Variants in ATAD2B observed in about 807,000 individuals in gnomAD.
The protein encoded by ATAD2B is ATPase family AAA domain containing 2B, also known as ATPase family AAA domain-containing protein 2B.
A neutral mutation model predicts 167.6 loss-of-function variants in ATAD2B; 40 were observed. That is an observed-to-expected ratio of 0.24 (90% CI 0.19 to 0.31). The LOEUF (loss-of-function observed/expected upper bound fraction) is 0.31, where lower values mean the gene tolerates loss of function less well. ATAD2B is among the 10% of genes least tolerant of loss of function. ATAD2B has a pLI of 1.00. For missense variants in ATAD2B, 1,242 were observed against 1,757.2 expected, an observed-to-expected ratio of 0.71 and a Z score of 5.24; for synonymous variants, 579 against 596.5, an observed-to-expected ratio of 0.97 and a Z score of 0.43.
chr2:23,907,455 A>G (rs1701662859), intron 1 of ATAD2B, among the ~76,000 whole-genome samples: 1 of 152,086 alleles, frequency 6.6e-6, no homozygotes, highest in African/African-American at 2.4e-5. Context: ...ACCACTGCTC[A>G]AGGAAATAAA....
At chr2:23,688,432 C>T in the ATAD2B span, among the ~76,000 whole-genome samples, 2 of 152,170 alleles carry the variant, frequency 1.3e-5, no homozygotes, top group African/African-American at 2.4e-5. Context: ...CTCTGAGGTG[C>T]ATGAGGGTGG....
At chr2:23,858,207 G>A (rs1558670041) in intron 12 of ATAD2B, among the ~76,000 whole-genome samples, 1 of 151,640 alleles carries the variant, frequency 6.6e-6, no homozygotes, top group African/African-American at 2.4e-5. Context: ...TGCAACCTCC[G>A]CCTCCCGGGT....
At chr2:23,723,580 G>A in the ATAD2B span, among the ~76,000 whole-genome samples, 201 of 152,166 alleles carry the variant, frequency 1.3e-3, 1 homozygote, top group African/African-American at 4.7e-3. Flanking sequence ...ATGAAAAAAT[G>A]CTCAACATCC....
chr2:23,812,733 C>A (rs184649725), intron 17 of ATAD2B, among the ~76,000 whole-genome samples: 1 of 151,340 alleles, frequency 6.6e-6, no homozygotes, highest in Non-Finnish European at 1.5e-5. Context: ...CGTGGTGGCA[C>A]GTGCCTGTAG....
chr2:23,893,813 G>A (rs920339897), intron 2 of ATAD2B, among the ~76,000 whole-genome samples: 6 of 151,794 alleles, frequency 4.0e-5, no homozygotes, highest in African/African-American at 1.5e-4. Context: ...CGGACTACAA[G>A]CATGTGCCTG....
At position 23,883,592 on chromosome 2, in the gene ATAD2B, A is replaced by C. The variant is rs1698274194; in HGVS notation, c.784+1173T>G. On this transcript the variant is annotated intron_variant, in intron 6 of 27. Coordinates refer to ENST00000238789, the MANE Select transcript of ATAD2B (RefSeq NM_017552.4). ...AAGAATCGCATTATAAATCTGTCTC[A>C]CCTATACTGATTTTCTCCAAAGGAA... The C allele has an allele frequency of 3.9e-6, 5 of 1,292,726 alleles. No individual in the cohort carries two copies. The South Asian group carries it at 6.3e-5, about 16-fold the overall frequency. The allele number at this position is 1,292,726 out of a possible 1,614,324, so 80.1% of individuals were successfully genotyped here.
chr2:23,817,127 T>C (rs1452942500), intron 17 of ATAD2B, among the ~76,000 whole-genome samples: 1 of 152,202 alleles, frequency 6.6e-6, no homozygotes, highest in African/African-American at 2.4e-5. Context: ...AAGTGTATGC[T>C]TCTTGGAGAG....
At chr2:23,810,229 T>G in intron 18 of ATAD2B, 87 bp downstream of exon 18, 2 of 1,180,430 alleles carry the variant, frequency 1.7e-6, no homozygotes, top group South Asian at 3.7e-5. Flanking sequence ...TCTGAAAAAA[T>G]CTTATCTTTA....
chr2:23,754,518 T>C, intron 26 of ATAD2B, 129 bp downstream of exon 26: 1 of 1,252,686 alleles, frequency 8.0e-7, no homozygotes, highest in South Asian at 1.5e-5. Context: ...TAACTCTTTT[T>C]TACTAGGAGC....
the ATAD2B span, chr2:23,703,909 G>T: frequency 6.6e-7 from 1 of 1,508,830 alleles, no homozygotes; most frequent in South Asian, 1.3e-5. Context: ...GGAGGAGTGG[G>T]AGGAGGAGGG....
chr2:23,708,441 A>G, the ATAD2B span: 1 of 152,206 alleles, frequency 6.6e-6, no homozygotes, highest in Non-Finnish European at 1.5e-5. Flanking sequence ...GAGACTCAAC[A>G]CAGATGACAT....
chr2:23,700,850 AC>A, the ATAD2B span, among the ~76,000 whole-genome samples: 1 of 151,874 alleles, frequency 6.6e-6, no homozygotes, highest in Non-Finnish European at 1.5e-5. This position sits in a 1 kb window ranked among gnomAD's most constrained non-coding sequence, Gnocchi z 4.6. Flanking sequence ...ACAGCCACTC[AC>A]TCGCTGTTGG....
At chr2:23,920,201 T>C (rs933124648) in intron 1 of ATAD2B, among the ~76,000 whole-genome samples, 1 of 151,680 alleles carries the variant, frequency 6.6e-6, no homozygotes, top group Admixed American at 6.6e-5. Context: ...CATGCTGTTC[T>C]AGGCACTCAG....
intron 17 of ATAD2B, among the ~76,000 whole-genome samples, chr2:23,811,832 C>T (rs1045288347): frequency 6.6e-6 from 1 of 151,838 alleles, no homozygotes; most frequent in Non-Finnish European, 1.5e-5. Flanking sequence ...CAAACTAAAA[C>T]AATCACAATT....
intron 12 of ATAD2B, among the ~76,000 whole-genome samples, chr2:23,862,346 T>C (rs1694510262): frequency 6.6e-6 from 1 of 151,782 alleles, no homozygotes. Context: ...TTGCCAAATA[T>C]GAACAGCATC....
At chr2:23,734,413 G>A in the ATAD2B span, among the ~76,000 whole-genome samples, 1 of 152,056 alleles carries the variant, frequency 6.6e-6, no homozygotes, top group Non-Finnish European at 1.5e-5. Context: ...GCCCACTTTG[G>A]CCTCCCAAAG....
At chr2:23,849,788 C>A (rs1692268457) in intron 13 of ATAD2B, among the ~76,000 whole-genome samples, 1 of 151,944 alleles carries the variant, frequency 6.6e-6, no homozygotes, top group African/African-American at 2.4e-5. Context: ...GACAGAGCCA[C>A]TGCACTCCAG....
chr2:23,720,312 A>G, the ATAD2B span, among the ~76,000 whole-genome samples: 1 of 152,240 alleles, frequency 6.6e-6, no homozygotes, highest in Non-Finnish European at 1.5e-5. Flanking sequence ...GGTAGCCCAC[A>G]CCTGTAATCC....
At chr2:23,716,438 A>ATTGTTG in the ATAD2B span, among the ~76,000 whole-genome samples, 11,954 of 150,124 alleles carry the variant, frequency 0.08, 534 homozygotes, top group East Asian at 0.18. Flanking sequence ...GGGACCTTTC[A>ATTGTTG]TTGTTGTTGT....
Sources: allele counts gnomAD v4.1 joint callset (sites outside exome capture counted in the v4.1 genomes callset), GRCh38; gene constraint gnomAD v4.1.1; non-coding constraint Gnocchi (gnomAD v3.1); transcripts MANE v1.5; gene names NCBI Gene and HGNC (gene_info 2026-07-23, HGNC 2026-07-21).